AKAP10: variants seen among roughly 807,000 people sequenced by gnomAD.
AKAP10 encodes the protein A-kinase anchor protein 10, mitochondrial.
Under a neutral mutation model 80.8 loss-of-function variants are expected in AKAP10, and 24 were observed. The ratio of observed to expected loss-of-function variants is 0.30; its 90% CI spans 0.22 to 0.42. The LOEUF (loss-of-function observed/expected upper bound fraction) is 0.42. AKAP10 is among the 10% of genes least tolerant of loss of function. The probability of loss-of-function intolerance (pLI) is 1.00; values close to 1 mark genes in which losing one functional copy is unlikely to be tolerated. For synonymous variants in AKAP10, 291 were observed against 277.7 expected, an observed-to-expected ratio of 1.05 and a Z score of -0.48; for missense variants, 661 against 794.9, an observed-to-expected ratio of 0.83 and a Z score of 2.03.
rs1288933723 is a variant in AKAP10 at position 19,920,089 on chromosome 17, A to G, written c.1781T>C (p.Leu594Ser). The change falls in exon 12 of 15, where the codon TTG becomes TCG. Residue 594 changes from leucine (L) to serine (S), a missense_variant. Coordinates refer to ENST00000225737, the MANE Select transcript of AKAP10 (RefSeq NM_007202.4). ...GKMTFGRVSDLGQFIRESEPE... is the reference protein window; with the variant it reads ...GKMTFGRVSDSGQFIRESEPE... The stretch of plus-strand genomic sequence containing the variant: ...CTCAGATTCTCGGATGAATTGCCCC[A>G]AGTCACTGACTCTTCCAAATGTCAT... 1 of 1,613,190 alleles carries G rather than the reference A, an allele frequency of 6.2e-7. No individual in the cohort carries two copies. Among genetic ancestry groups the G allele is most frequent in the Non-Finnish European group, 8.5e-7 (1 of 1,179,322 alleles).
intron 5 of AKAP10, among the ~76,000 whole-genome samples, chr17:19,942,138 A>G (rs900540606): frequency 2.0e-5 from 3 of 152,246 alleles, no homozygotes; most frequent in Non-Finnish European, 4.4e-5. Flanking sequence ...ATTCCTATAC[A>G]TAGAAACCCT....
chr17:19,919,949 A>G (rs539075986), intron 12 of AKAP10, 87 bp downstream of exon 12: 167 of 1,136,674 alleles, frequency 1.5e-4, no homozygotes, highest in Non-Finnish European at 2.0e-4. Flanking sequence ...TACAAAATAA[A>G]CAGTTTAAAC....
At chr17:19,946,205 T>C (rs1284551965) in intron 5 of AKAP10, among the ~76,000 whole-genome samples, 1,216 of 46,036 alleles carry the variant, frequency 0.026, 116 homozygotes, top group African/African-American at 0.083. Context: ...TACATATATT[T>C]TATATATATA....
At chr17:19,907,688 A>G (rs941076347) in intron 14 of AKAP10, among the ~76,000 whole-genome samples, 1 of 152,068 alleles carries the variant, frequency 6.6e-6, no homozygotes, top group Non-Finnish European at 1.5e-5. Context: ...TACAGGCATG[A>G]GCCACTGCAC....
chr17:19,972,809 G>A (rs1011507305), intron 1 of AKAP10, among the ~76,000 whole-genome samples: 11 of 152,140 alleles, frequency 7.2e-5, no homozygotes, highest in Non-Finnish European at 1.5e-4. Context: ...ATATTTTCCT[G>A]TGTCTTATTT....
intron 3 of AKAP10, among the ~76,000 whole-genome samples, chr17:19,960,058 G>A (rs1164930188): frequency 6.6e-6 from 1 of 152,024 alleles, no homozygotes; most frequent in African/African-American, 2.4e-5. Flanking sequence ...ACCGGCCTGG[G>A]GAACATAGTG....
At position 19,977,606 on chromosome 17, in the gene AKAP10, A is replaced by G. The variant is rs2043588450; in HGVS notation, c.74T>C (p.Phe25Ser). Residue 25 changes from phenylalanine to serine, a missense_variant, in exon 1 of 15, where the codon TTC (phenylalanine) becomes TCC (serine). Coordinates refer to ENST00000225737, the MANE Select transcript of AKAP10 (RefSeq NM_007202.4). ...CCCTCAGCTACCTTTCCGCCGGAAGAAGGACATGGCGGGGCCCGGGTCGGG... is the reference window on the plus strand; with the variant it reads ...CCCTCAGCTACCTTTCCGCCGGAAGGAGGACATGGCGGGGCCCGGGTCGGG... Reference protein sequence around the residue: ...LRPDPGPAMSFFRRKVKGKEQ... With the variant: ...LRPDPGPAMSSFRRKVKGKEQ... The G allele has an allele frequency of 6.5e-6, 8 of 1,234,890 alleles. No homozygotes were observed. Among genetic ancestry groups the G allele is most frequent in the Non-Finnish European group, 8.1e-6 (8 of 987,960 alleles). The allele number at this position is 1,234,890 out of a possible 1,614,324, so 76.5% of individuals were successfully genotyped here.
intron 5 of AKAP10, among the ~76,000 whole-genome samples, chr17:19,946,263 ATATATATATATATTTTTTT>A: frequency 3.7e-5 from 1 of 27,198 alleles, no homozygotes; most frequent in Admixed American, 6.5e-4. Flanking sequence ...ATATATATAT[ATATATATATATATTTTTTT>A]TTTTTTTTTT....
At chr17:19,949,955 A>G (rs553804722) in intron 4 of AKAP10, among the ~76,000 whole-genome samples, 176 of 152,226 alleles carry the variant, frequency 1.2e-3, no homozygotes, top group Non-Finnish European at 2.0e-3. Flanking sequence ...TAATTCCTAG[A>G]GAAGCCACTA....
intron 2 of AKAP10, chr17:19,968,158 G>A (rs1438518443): frequency 2.3e-5 from 6 of 261,794 alleles, no homozygotes; most frequent in Admixed American, 7.4e-5. Context: ...CCAAGATCGC[G>A]CCACTGCACT....
chr17:19,968,974 G>T (rs542864754), intron 1 of AKAP10, among the ~76,000 whole-genome samples: 1 of 152,202 alleles, frequency 6.6e-6, no homozygotes, highest in Admixed American at 6.5e-5. Context: ...GTCTTTGGTT[G>T]TGTATCATAT....
At position 19,939,822 on chromosome 17, in the gene AKAP10, T is replaced by C. The variant is rs375932105; in HGVS notation, c.1213A>G (p.Ile405Val). 55 of 1,613,818 alleles carry C rather than the reference T, an allele frequency of 3.4e-5. No homozygotes were observed. The highest frequency in any genetic ancestry group is 4.7e-5 in the Non-Finnish European group (55 of 1,179,986). The part of the protein sequence containing the change: ...EYMEKEDAVN[I>V]LQFWLAADNF... The stretch of plus-strand genomic sequence containing the variant: ...TCTGCTGCCAACCAGAATTGTAAGA[T>C]ATTCACTGCATCCTCTTTTTCCATG... The change falls in exon 8 of 15, where the codon ATC becomes GTC. Residue 405 changes from isoleucine (I) to valine (V), a missense_variant. By Grantham distance (29) the Ile-to-Val change is conservative (BLOSUM62 3). Transcript: ENST00000225737.
chr17:19,933,690 C>T (rs757135119), intron 9 of AKAP10, among the ~76,000 whole-genome samples: 3 of 152,090 alleles, frequency 2.0e-5, no homozygotes, highest in East Asian at 3.8e-4. Flanking sequence ...ATTCTGTTTA[C>T]TACTAGCTAT....
At chr17:19,974,523 G>C (rs1015030057) in intron 1 of AKAP10, among the ~76,000 whole-genome samples, 4 of 152,140 alleles carry the variant, frequency 2.6e-5, no homozygotes, top group African/African-American at 9.7e-5. Context: ...TGGTCAGGTA[G>C]AGATACAAAC....
chr17:19,947,800 G>C (rs1362333742), intron 4 of AKAP10, among the ~76,000 whole-genome samples: 1 of 152,132 alleles, frequency 6.6e-6, no homozygotes, highest in Non-Finnish European at 1.5e-5. Context: ...TCTACTCTGA[G>C]GCACTAAGAA....
At chr17:19,932,111 G>C (rs745744349) in intron 9 of AKAP10, 133 bp from the exon 10 acceptor site, 141 of 829,800 alleles carry the variant, frequency 1.7e-4, no homozygotes, top group Non-Finnish European at 2.5e-4. Context: ...TTTACTTCTT[G>C]TTGTACTACA....
rs144223657 is a variant in AKAP10 at position 19,942,951 on chromosome 17, A to C, written c.977-1041T>G. On this transcript the variant is annotated intron_variant, in intron 5 of 14. Coordinates refer to ENST00000225737, the MANE Select transcript of AKAP10 (RefSeq NM_007202.4). The stretch of plus-strand genomic sequence containing the variant: ...GGTCTCACTTTGTCACCCAAGCCGG[A>C]GTCAGTGGCACGATCATGGCTCACT... Among the ~76,000 whole-genome samples, 403 of 151,514 alleles carry C rather than the reference A, an allele frequency of 2.7e-3. 1 individual carries two copies. The highest frequency in any genetic ancestry group is 9.2e-3 in the African/African-American group (381 of 41,252).
intron 3 of AKAP10, among the ~76,000 whole-genome samples, chr17:19,958,862 T>G (rs1284956789): frequency 7.2e-6 from 1 of 138,622 alleles, no homozygotes; most frequent in Non-Finnish European, 1.5e-5. Context: ...TTTTTTTTTT[T>G]TTTTTTGAGA....
chr17:19,921,196 T>A (rs1258222571), intron 11 of AKAP10, among the ~76,000 whole-genome samples: 5 of 149,888 alleles, frequency 3.3e-5, no homozygotes, highest in Admixed American at 6.7e-5. Flanking sequence ...TGAGACAGAG[T>A]CTCACTCTGT....
Sources: allele counts gnomAD v4.1 joint callset (sites outside exome capture counted in the v4.1 genomes callset), GRCh38; gene constraint gnomAD v4.1.1; transcripts MANE v1.5; gene names NCBI Gene and HGNC (gene_info 2026-07-23, HGNC 2026-07-21).